PCDHA10: variants seen among roughly 807,000 people sequenced by gnomAD.
PCDHA10 encodes protocadherin alpha-10.
Under a neutral mutation model 61.2 loss-of-function variants are expected in PCDHA10, and 45 were observed. That is an observed-to-expected ratio of 0.74 (90% CI 0.58 to 0.94). The LOEUF is 0.94. PCDHA10 is among the 40% of genes least tolerant of loss of function. The probability of loss-of-function intolerance (pLI) is 0.00; values close to 1 mark genes in which losing one functional copy is unlikely to be tolerated. For missense variants in PCDHA10, 1,278 were observed against 1,236.2 expected, an observed-to-expected ratio of 1.03 and a Z score of -0.51; for synonymous variants, 602 against 548.8, an observed-to-expected ratio of 1.10 and a Z score of -1.35.
chr5:140,938,406 T>A (rs1283027205), intron 1 of PCDHA10, among the ~76,000 whole-genome samples: 1 of 152,240 alleles, frequency 6.6e-6, no homozygotes, highest in African/African-American at 2.4e-5. Context: ...ATTGTTTGAT[T>A]GGGTTTATTT....
Position 140,912,120 on chromosome 5 carries a change from G to A in PCDHA10, c.2388+53684G>A, listed in dbSNP as rs371645551. On this transcript the variant is annotated intron_variant, in intron 1 of 3. Transcript: ENST00000307360. ...AGAAAGATGTAGGCTGGGAGGCTAA[G>A]TCAGTCTAATCTCTCCATGTTCTTC... Among the ~76,000 whole-genome samples the A allele has an allele frequency of 1.7e-4, 26 of 152,328 alleles. 3 individuals are homozygous for A. In the East Asian group the frequency reaches 1.9e-3, roughly 11 times the overall value.
At chr5:140,875,997 T>C in intron 1 of PCDHA10, 13 of 1,613,924 alleles carry the variant, frequency 8.1e-6, no homozygotes, top group South Asian at 1.1e-5. Context: ...TAAGTCTAAA[T>C]GAGAATTTTG....
chr5:140,965,708 A>T (rs2095927788), intron 1 of PCDHA10, among the ~76,000 whole-genome samples: 1 of 152,244 alleles, frequency 6.6e-6, no homozygotes, highest in African/African-American at 2.4e-5. Context: ...AGCTTGAGAG[A>T]AGAATCTCTT....
At chr5:140,942,838 A>G (rs2093377015) in intron 1 of PCDHA10, among the ~76,000 whole-genome samples, 1 of 152,198 alleles carries the variant, frequency 6.6e-6, no homozygotes, top group Non-Finnish European at 1.5e-5. Context: ...GTCAATAAAA[A>G]TTCCAGTAAG....
chr5:140,876,787 G>A, intron 1 of PCDHA10: 1 of 1,614,228 alleles, frequency 6.2e-7, no homozygotes, highest in Non-Finnish European at 8.5e-7. Context: ...GTGGGCCACG[G>A]CTAGAGTGTC....
At chr5:140,866,703 G>T (rs553518884) in intron 1 of PCDHA10, 45 of 152,224 alleles carry the variant, frequency 3.0e-4, no homozygotes, top group African/African-American at 1.1e-3. Context: ...AGTGGATGAC[G>T]TGCACTAGTA....
At chr5:140,869,703 G>A in intron 1 of PCDHA10, 1 of 1,613,428 alleles carries the variant, frequency 6.2e-7, no homozygotes, top group Non-Finnish European at 8.5e-7. Context: ...AGAAGTCTCT[G>A]GATAGAGAGA....
intron 1 of PCDHA10, among the ~76,000 whole-genome samples, chr5:140,933,721 C>G (rs957167505): frequency 6.6e-6 from 1 of 151,982 alleles, no homozygotes; most frequent in Non-Finnish European, 1.5e-5. Flanking sequence ...ATTGGTGATA[C>G]AGCTTTCTTA....
intron 1 of PCDHA10, chr5:140,884,510 T>C: frequency 3.1e-6 from 5 of 1,613,982 alleles, no homozygotes; most frequent in Non-Finnish European, 3.4e-6. Context: ...GGCAGGGAGT[T>C]GGTCGTACTC....
At chr5:140,962,541 A>AGTT (rs2095690394) in intron 1 of PCDHA10, among the ~76,000 whole-genome samples, 1 of 152,220 alleles carries the variant, frequency 6.6e-6, no homozygotes, top group Non-Finnish European at 1.5e-5. Flanking sequence ...AGAACTAAAA[A>AGTT]TGTAGAGGAT....
chr5:140,996,136 C>A (rs1484642740), intron 3 of PCDHA10, among the ~76,000 whole-genome samples: 1 of 152,104 alleles, frequency 6.6e-6, no homozygotes, highest in African/African-American at 2.4e-5. Context: ...GAGGGTTCTC[C>A]CATTATCTTG....
chr5:140,883,867 C>T (rs2059859396), intron 1 of PCDHA10: 3 of 1,613,138 alleles, frequency 1.9e-6, no homozygotes, highest in Non-Finnish European at 2.5e-6. Flanking sequence ...TGTTGCAGTT[C>T]CAGGTGAGCG....
rs377373799 is a variant in PCDHA10, at chr5:141,009,886, C to G, written c.2796C>G (p.Thr932=). 3.3e-5 allele frequency: 54 copies of G among 1,612,722 alleles called. No individual in the cohort carries two copies. The highest frequency in any genetic ancestry group is 4.6e-5 in the Non-Finnish European group (54 of 1,179,784). The stretch of plus-strand genomic sequence containing the variant: ...AGAAAAAGAAGAAGGGTAACAAGAC[C>G]CAGGAGAAAAAAGAGAAAGGGAACA... ...KKKKKKKGNK[T]QEKKEKGNST... Residue 932 remains threonine (T), a synonymous_variant, in exon 4 of 4, where the codon ACC becomes ACG. Transcript: ENST00000307360.
In PCDHA10 at chr5:140,876,910, T is replaced by C. The variant is rs184817309; in HGVS notation, c.2388+18474T>C. On this transcript the variant is annotated intron_variant, in intron 1 of 3. Transcript: ENST00000307360. ...CTGCCACATCTTCACGGTGTCGGCA[T>C]GGGACGCGGACGCGCAGAAGAACGC... 5 of 1,613,976 alleles carry C rather than the reference T, an allele frequency of 3.1e-6. No individual in the cohort carries two copies. In the African/African-American group the frequency reaches 4.0e-5, roughly 13 times the overall value.
At chr5:140,903,982 T>G (rs782635653) in intron 1 of PCDHA10, among the ~76,000 whole-genome samples, 5 of 152,232 alleles carry the variant, frequency 3.3e-5, no homozygotes, top group African/African-American at 4.8e-5. Flanking sequence ...CTATTCACAA[T>G]GTAACAGCTA....
At chr5:140,967,481 G>C (rs1554229603) in intron 1 of PCDHA10, 2 of 1,613,426 alleles carry the variant, frequency 1.2e-6, no homozygotes, top group Admixed American at 1.7e-5. Flanking sequence ...AGCCCGCTCG[G>C]GTACGGCACA....
At chr5:140,994,474 G>A (rs545568699) in intron 3 of PCDHA10, among the ~76,000 whole-genome samples, 27 of 152,078 alleles carry the variant, frequency 1.8e-4, no homozygotes, top group Non-Finnish European at 2.9e-4. Flanking sequence ...AGGCTGAGGC[G>A]GGTGGATTGC....
chr5:140,969,276 G>T, intron 1 of PCDHA10: 1 of 1,614,202 alleles, frequency 6.2e-7, no homozygotes, highest in Non-Finnish European at 8.5e-7. Context: ...GGCCAAAGTG[G>T]TCAGAATGCT....
chr5:140,878,450 A>T (rs2057594535), intron 1 of PCDHA10, among the ~76,000 whole-genome samples: 1 of 152,224 alleles, frequency 6.6e-6, no homozygotes, highest in Non-Finnish European at 1.5e-5. Context: ...TCTTATTTAC[A>T]TGAAATATAA....
Sources: allele counts gnomAD v4.1 joint callset (sites outside exome capture counted in the v4.1 genomes callset), GRCh38; gene constraint gnomAD v4.1.1; transcripts MANE v1.5; gene names NCBI Gene and HGNC (gene_info 2026-07-23, HGNC 2026-07-21).